Variants in PKHD1 observed in about 807,000 individuals in gnomAD.
The protein encoded by PKHD1 is PKHD1 ciliary IPT domain containing fibrocystin/polyductin, also known as fibrocystin.
Under a neutral mutation model 412.0 loss-of-function variants are expected in PKHD1, and 291 were observed. The observed-to-expected ratio is 0.71, with a 90% CI of 0.64 to 0.78. The LOEUF is 0.78. Among genes scored for constraint, PKHD1 ranks in the 30% least tolerant of loss-of-function variants. The pLI is 0.00. For synonymous variants in PKHD1, 1,777 were observed against 1,821.5 expected (o/e 0.98, Z 0.62); for missense variants, 4,825 against 4,950.7 (o/e 0.97, Z 0.76).
rs1766063797 is a variant in PKHD1, at chr6:51,616,350, AT to A, written c.*2730del. On this transcript the variant is annotated 3_prime_UTR_variant, in exon 67 of 67. Coordinates refer to ENST00000371117, the MANE Select transcript of PKHD1 (RefSeq NM_138694.4). ...ACACAGGAAAAAAGCACATCTCAAT[AT>A]TTATTTAGATAAAGGGTGTAGATTG... 4.1e-6 allele frequency: 1 copy of A among 243,198 alleles called. No individual in the cohort carries two copies. Among genetic ancestry groups the A allele is most frequent in the Non-Finnish European group, 7.8e-6 (1 of 127,880 alleles). 15.1% of individuals were successfully genotyped at this position (243,198 alleles called of 1,614,324 possible). A position where few individuals can be genotyped will look rare whatever the true frequency, so the allele number is the denominator to read the frequency against.
intron 45 of PKHD1, among the ~76,000 whole-genome samples, chr6:51,885,178 C>G (rs573290953): frequency 1.5e-4 from 23 of 152,234 alleles, no homozygotes; most frequent in African/African-American, 5.5e-4. Flanking sequence ...AATAGTGACC[C>G]TGAATAATTT....
intron 60 of PKHD1, among the ~76,000 whole-genome samples, chr6:51,738,569 CTATAG>C (rs1289061731): frequency 6.6e-6 from 1 of 152,182 alleles, no homozygotes; most frequent in Admixed American, 6.5e-5. Context: ...ATTTGCTTCA[CTATAG>C]TAGTCATTTT....
intron 34 of PKHD1, 63 bp from the exon 35 acceptor site, chr6:52,010,522 C>T (rs1239416133): frequency 1.5e-6 from 2 of 1,342,660 alleles, no homozygotes; most frequent in Non-Finnish European, 1.1e-6. Context: ...ATTATTTTTA[C>T]TCTTATTAAT....
chr6:51,644,985 C>T (rs538610402), intron 63 of PKHD1, among the ~76,000 whole-genome samples: 33 of 152,076 alleles, frequency 2.2e-4, no homozygotes, highest in African/African-American at 7.7e-4. Context: ...GCCAATAAAC[C>T]GAATTTTTAA....
chr6:51,791,662 C>T (rs1016421263), intron 52 of PKHD1, among the ~76,000 whole-genome samples: 5 of 152,200 alleles, frequency 3.3e-5, no homozygotes, highest in African/African-American at 1.2e-4. Context: ...ACACACAGAT[C>T]GAATGAGCTC....
chr6:51,896,256 A>C (rs1337355588), intron 43 of PKHD1, among the ~76,000 whole-genome samples: 31 of 152,062 alleles, frequency 2.0e-4, no homozygotes, highest in African/African-American at 7.5e-4. Flanking sequence ...GCAGACTTAA[A>C]TGTCCCTGTC....
Position 52,007,988 on chromosome 6 carries a change from G to T in PKHD1, c.5751+2321C>A, listed in dbSNP as rs146374295. Among the ~76,000 whole-genome samples the T allele has an allele frequency of 3.3e-5, 5 of 152,208 alleles. No individual in the cohort carries two copies. In the East Asian group the frequency reaches 7.7e-4, roughly 23 times the overall value. ...GCCATTGTTCCCTCGTGTGCTTCTG[G>T]CTACTTGATAGGGCCCTGCTCCCAA... On this transcript the variant is annotated intron_variant, in intron 35 of 66. Transcript: ENST00000371117.
chr6:51,672,269 C>T (rs1414501), intron 60 of PKHD1, among the ~76,000 whole-genome samples: 68,245 of 152,014 alleles, frequency 0.45, 18,591 homozygotes, highest in African/African-American at 0.76. Context: ...AAGCCCAAAT[C>T]AAATGCATGT....
chr6:51,795,090 G>A (rs572086739), intron 52 of PKHD1, among the ~76,000 whole-genome samples: 1 of 152,264 alleles, frequency 6.6e-6, no homozygotes, highest in East Asian at 1.9e-4. Context: ...AAGGGGAATA[G>A]CAATGAATCT....
intron 60 of PKHD1, among the ~76,000 whole-genome samples, chr6:51,680,193 G>A (rs1776454854): frequency 6.6e-6 from 1 of 151,938 alleles, no homozygotes; most frequent in South Asian, 2.1e-4. Flanking sequence ...AGCAGTACTA[G>A]AAATTTTTTC....
intron 52 of PKHD1, among the ~76,000 whole-genome samples, chr6:51,794,716 C>T (rs1046641209): frequency 6.6e-6 from 1 of 152,054 alleles, no homozygotes; most frequent in African/African-American, 2.4e-5. Context: ...AGGAAGGGGC[C>T]TAGTTTCAGT....
At chr6:51,774,088 G>T (rs1056835998) in intron 54 of PKHD1, among the ~76,000 whole-genome samples, 19 of 151,766 alleles carry the variant, frequency 1.3e-4, no homozygotes, top group African/African-American at 4.4e-4. Flanking sequence ...TTCAACCAAA[G>T]CATTTATAAC....
At chr6:52,061,455 C>CTTA (rs1808656296) in intron 14 of PKHD1, among the ~76,000 whole-genome samples, 2 of 152,128 alleles carry the variant, frequency 1.3e-5, no homozygotes, top group African/African-American at 4.8e-5. Context: ...AGGCTCAAGC[C>CTTA]ATAGCATCCA....
intron 61 of PKHD1, among the ~76,000 whole-genome samples, chr6:51,651,082 ACATT>A (rs1368993296): frequency 2.0e-5 from 3 of 152,192 alleles, no homozygotes; most frequent in African/African-American, 7.2e-5. Context: ...TCACATAAGT[ACATT>A]GACGTCTTGA....
chr6:51,632,483 A>C lies in PKHD1; in HGVS notation c.11665+82T>G, dbSNP rs1001592188. 10 of 1,213,036 alleles carry C rather than the reference A, an allele frequency of 8.2e-6. No individual in the cohort carries two copies. In the African/African-American group the frequency reaches 1.5e-4, roughly 19 times the overall value. The allele number at this position is 1,213,036 out of a possible 1,614,324, so 75.1% of individuals were successfully genotyped here. A position where few individuals can be genotyped will look rare whatever the true frequency, so the allele number is the denominator to read the frequency against. ...CTCACAAAAATTTGTCTTTGGGGAA[A>C]GAAACAGAATCATTAATATGTTATG... On this transcript the variant is annotated intron_variant, in intron 65 of 66. Transcript: ENST00000371117.
chr6:51,632,515 G>T, intron 65 of PKHD1, 50 bp downstream of exon 65: 1 of 1,468,356 alleles, frequency 6.8e-7, no homozygotes. Context: ...TATGTATGAT[G>T]ACTTTTTTTT....
chr6:52,025,150 A>T lies in PKHD1; in HGVS notation c.4660T>A (p.Tyr1554Asn), dbSNP rs779308647. The T allele has an allele frequency of 6.8e-6, 11 of 1,614,154 alleles. No individual in the cohort carries two copies. In the South Asian group the frequency reaches 7.7e-5, roughly 11 times the overall value. ...GAACAAGCATACCCATTTCTTGTAT[A>T]AAAAACTGACAGGTAGTGGGGTCCT... ...APGPHYLSVF[Y>N]TRNGYACSGN... is the part of the protein sequence containing the mutation. The change falls in exon 32 of 67, where the codon TAT becomes AAT. Residue 1554 changes from tyrosine (Y) to asparagine (N), a missense_variant. Physicochemically the swap from Tyr to Asn is moderately radical, Grantham distance 143. Coordinates refer to ENST00000371117, the MANE Select transcript of PKHD1 (RefSeq NM_138694.4).
chr6:51,993,618 T>G (rs1183370666), intron 35 of PKHD1, among the ~76,000 whole-genome samples: 1 of 152,212 alleles, frequency 6.6e-6, no homozygotes, highest in Non-Finnish European at 1.5e-5. Context: ...TGATAGCTCC[T>G]TAGCATACGA....
intron 23 of PKHD1, 116 bp downstream of exon 23, chr6:52,048,376 A>C: frequency 9.2e-7 from 1 of 1,083,996 alleles, no homozygotes; most frequent in African/African-American, 1.5e-5. Flanking sequence ...CTGGAAAATA[A>C]ATAAAATAGC....
Sources: gnomAD v4.1 joint callset for allele counts (sites outside exome capture counted in the v4.1 genomes callset) on GRCh38, gnomAD v4.1.1 for gene constraint, MANE v1.5 for transcripts, NCBI Gene and HGNC (gene_info 2026-07-23, HGNC 2026-07-21) for gene names.